The following LGALSL variants were observed in gnomAD, a reference collection of about 807,000 sequenced individuals.
The protein encoded by LGALSL is galectin-related protein.
Under a neutral mutation model 19.5 loss-of-function variants are expected in LGALSL, and 13 were observed. The observed-to-expected ratio is 0.67, with a 90% CI of 0.43 to 1.06. The LOEUF (loss-of-function observed/expected upper bound fraction) is 1.06. Ranked by LOEUF, LGALSL falls within the 50% of genes least tolerant of loss-of-function variation. The pLI is 0.00. For synonymous variants in LGALSL, 86 were observed against 78.3 expected (o/e 1.10, Z -0.52); for missense variants, 189 against 219.3 (o/e 0.86, Z 0.87).
intron 4 of LGALSL, 27 bp from the exon 5 acceptor site, chr2:64,458,258 T>A (rs1192542909): frequency 6.2e-7 from 1 of 1,609,122 alleles, no homozygotes; most frequent in Non-Finnish European, 8.5e-7. Context: ...TCATTGAAAT[T>A]GTGGATTATT....
rs1686697341 is a variant in LGALSL, at chr2:64,454,506, C to T, written c.-40C>T. 2.3e-6 allele frequency: 3 copies of T among 1,327,968 alleles called. No individual in the cohort carries two copies. Among genetic ancestry groups the T allele is most frequent in the Non-Finnish European group, 9.7e-7 (1 of 1,029,736 alleles). 82.3% of individuals were successfully genotyped at this position (1,327,968 alleles called of 1,614,324 possible). A position where few individuals can be genotyped will look rare whatever the true frequency, so the allele number is the denominator to read the frequency against. Reference sequence around the variant, plus strand: ...AGGACAGCCCCGGGATCCCCGCCCGCGCGCCGCGTCCCACGTACCCCGCCG... The same window carrying T: ...AGGACAGCCCCGGGATCCCCGCCCGTGCGCCGCGTCCCACGTACCCCGCCG... On this transcript the variant is annotated 5_prime_UTR_variant, in exon 1 of 5. Coordinates refer to ENST00000238875, the MANE Select transcript of LGALSL (RefSeq NM_014181.3). This position sits in a 1 kb window ranked among gnomAD's most constrained non-coding sequence, Gnocchi z 5.1.
Position 64,454,519 on chromosome 2 carries a change from A to G in LGALSL, c.-27A>G. On this transcript the variant is annotated 5_prime_UTR_variant, in exon 1 of 5. Coordinates refer to ENST00000238875, the MANE Select transcript of LGALSL (RefSeq NM_014181.3). This position sits in a 1 kb window ranked among gnomAD's most constrained non-coding sequence, Gnocchi z 5.1. ...GATCCCCGCCCGCGCGCCGCGTCCC[A>G]CGTACCCCGCCGCGCCGGGCAAGAA... is the stretch of plus-strand genomic sequence containing the variant. 5.8e-6 allele frequency: 8 copies of G among 1,381,864 alleles called. No homozygotes were observed. The highest frequency in any genetic ancestry group is 6.6e-6 in the Non-Finnish European group (7 of 1,061,030). The allele number at this position is 1,381,864 out of a possible 1,614,324, so 85.6% of individuals were successfully genotyped here.
At chr2:64,455,192 T>C in intron 1 of LGALSL, 152 bp from the exon 2 acceptor site, 2 of 667,114 alleles carry the variant, frequency 3.0e-6, no homozygotes, top group Non-Finnish European at 5.4e-6. Flanking sequence ...TCGGGGGTGA[T>C]GAGATTATCT....
Position 64,454,519 on chromosome 2 carries a change from A to C in LGALSL, c.-27A>C, listed in dbSNP as rs1686697760. ...GATCCCCGCCCGCGCGCCGCGTCCC[A>C]CGTACCCCGCCGCGCCGGGCAAGAA... On this transcript the variant is annotated 5_prime_UTR_variant, in exon 1 of 5. Transcript: ENST00000238875. The surrounding 1 kb of genome is among the most constrained non-coding windows in gnomAD (Gnocchi z 5.1). 11 of 1,381,866 alleles carry C rather than the reference A, an allele frequency of 8.0e-6. No individual in the cohort carries two copies. The East Asian group carries it at 1.0e-4, about 13-fold the overall frequency. 85.6% of individuals were successfully genotyped at this position (1,381,866 alleles called of 1,614,324 possible). A position where few individuals can be genotyped will look rare whatever the true frequency, so the allele number is the denominator to read the frequency against.
In LGALSL at chr2:64,459,866, G is replaced by A. The variant is rs575048404; in HGVS notation, c.*1438G>A. Reference sequence around the variant, plus strand: ...CTTTAAAAGCTACATTGGCCCTGGAGGGAGGGACCCTTGGCATTGCTTTGA... The same window carrying A: ...CTTTAAAAGCTACATTGGCCCTGGAAGGAGGGACCCTTGGCATTGCTTTGA... On this transcript the variant is annotated 3_prime_UTR_variant, in exon 5 of 5. Transcript: ENST00000238875. 6.6e-6 allele frequency: 1 copy of A among 152,352 alleles called. No homozygotes were observed. Among genetic ancestry groups the A allele is most frequent in the African/African-American group, 2.4e-5 (1 of 41,584 alleles). The allele number at this position is 152,352 out of a possible 1,614,324, so 9.4% of individuals were successfully genotyped here. A position where few individuals can be genotyped will look rare whatever the true frequency, so the allele number is the denominator to read the frequency against.
At chr2:64,457,696 A>G (rs986957880) in intron 4 of LGALSL, among the ~76,000 whole-genome samples, 1 of 152,162 alleles carries the variant, frequency 6.6e-6, no homozygotes, top group African/African-American at 2.4e-5. Context: ...CATTGGTGGT[A>G]GAATTGAGAT....
rs1227710717 is a variant in LGALSL, at chr2:64,456,457, C to T, written c.367C>T (p.Pro123Ser). 1 of 1,575,522 alleles carries T rather than the reference C, an allele frequency of 6.3e-7. No homozygotes were observed. The highest frequency in any genetic ancestry group is 8.6e-7 in the Non-Finnish European group (1 of 1,160,138). Residue 123 changes from proline to serine, a missense_variant, in exon 4 of 5, where the codon CCA becomes TCA. Transcript: ENST00000238875. The stretch of plus-strand genomic sequence containing the variant: ...TTACTTTCCATTCATTCCAGACCAG[C>T]CATTCAGGGTGAGTACCTCGAGTGC... ...IPYFPFIPDQ[P>S]FRVEILCEHP...
rs1203229712 is a variant in LGALSL, at chr2:64,460,083, G to A, written c.*1655G>A. The stretch of plus-strand genomic sequence containing the variant: ...CATGTCATTTTCAAGTGTCAAGAAT[G>A]TAGACAGTGTTTCAGTACCAAAGTC... On this transcript the variant is annotated 3_prime_UTR_variant, in exon 5 of 5. Transcript: ENST00000238875. 6.6e-6 allele frequency: 1 copy of A among 150,690 alleles called. No individual in the cohort carries two copies. Among genetic ancestry groups the A allele is most frequent in the Non-Finnish European group, 1.5e-5 (1 of 67,882 alleles). 9.3% of individuals were successfully genotyped at this position (150,690 alleles called of 1,614,324 possible).
At position 64,454,612 on chromosome 2, in the gene LGALSL, C is replaced by T; in HGVS notation, c.36+31C>T. The T allele has an allele frequency of 7.2e-7, 1 of 1,379,538 alleles. No individual in the cohort carries two copies. Among genetic ancestry groups the T allele is most frequent in the South Asian group, 1.6e-5 (1 of 62,070 alleles). The allele number at this position is 1,379,538 out of a possible 1,614,324, so 85.5% of individuals were successfully genotyped here. On this transcript the variant is annotated intron_variant, in intron 1 of 4. Transcript: ENST00000238875. The surrounding 1 kb of genome is among the most constrained non-coding windows in gnomAD (Gnocchi z 5.1). Reference sequence around the variant, plus strand: ...TGTGGCAGGGCGCGCGCGAGGCGCCCCTCCCCGCCGTCCCGCACTCCGCCG... The same window carrying T: ...TGTGGCAGGGCGCGCGCGAGGCGCCTCTCCCCGCCGTCCCGCACTCCGCCG...
chr2:64,458,797 C>G lies in LGALSL; in HGVS notation c.*369C>G, dbSNP rs1686775171. On this transcript the variant is annotated 3_prime_UTR_variant, in exon 5 of 5. Transcript: ENST00000238875. The stretch of plus-strand genomic sequence containing the variant: ...ACAGTGAAATCAATGCATTTCTGCA[C>G]TAAAGTGGAATTGTGTAGCACAACC... 4 of 170,282 alleles carry G rather than the reference C, an allele frequency of 2.3e-5. No individual in the cohort carries two copies. Among genetic ancestry groups the G allele is most frequent in the Non-Finnish European group, 1.2e-5 (1 of 80,542 alleles). 10.5% of individuals were successfully genotyped at this position (170,282 alleles called of 1,614,324 possible). A position where few individuals can be genotyped will look rare whatever the true frequency, so the allele number is the denominator to read the frequency against.
At position 64,454,243 on chromosome 2, in the gene LGALSL, G is replaced by C. The variant is rs1311758696; in HGVS notation, c.-303G>C. 1.5e-5 allele frequency: 6 copies of C among 394,852 alleles called. No individual in the cohort carries two copies. Among genetic ancestry groups the C allele is most frequent in the Non-Finnish European group, 2.7e-5 (6 of 224,132 alleles). The allele number at this position is 394,852 out of a possible 1,614,324, so 24.5% of individuals were successfully genotyped here. ...CGGCACGGCCCTCGCCACTTTTCTT[G>C]GTCGGGCAGCGGCAGCGGCAGCGGC... On this transcript the variant is annotated 5_prime_UTR_variant, in exon 1 of 5. Coordinates refer to ENST00000238875, the MANE Select transcript of LGALSL (RefSeq NM_014181.3). The surrounding 1 kb of genome is among the most constrained non-coding windows in gnomAD (Gnocchi z 5.1).
At chr2:64,457,957 T>C (rs993035432) in intron 4 of LGALSL, among the ~76,000 whole-genome samples, 6 of 152,166 alleles carry the variant, frequency 3.9e-5, no homozygotes, top group African/African-American at 1.2e-4. Flanking sequence ...TAATATAAAA[T>C]AAATGTGACT....
At chr2:64,457,729 T>C (rs1205482109) in intron 4 of LGALSL, among the ~76,000 whole-genome samples, 5 of 152,182 alleles carry the variant, frequency 3.3e-5, no homozygotes, top group African/African-American at 1.2e-4. Flanking sequence ...AGTTATAGTC[T>C]CTGGAAGGCA....
At position 64,461,141 on chromosome 2, in the gene LGALSL, A is replaced by C. The variant is rs1460239544; in HGVS notation, c.*2713A>C. ...AGAATTGAGGATTTGTTAAAATGGC[A>C]AGTCATTTCATTTGTGTTAAAAAGA... On this transcript the variant is annotated 3_prime_UTR_variant, in exon 5 of 5. Transcript: ENST00000238875. 6.6e-6 allele frequency: 1 copy of C among 152,198 alleles called. No homozygotes were observed. The highest frequency in any genetic ancestry group is 2.4e-5 in the African/African-American group (1 of 41,442). The allele number at this position is 152,198 out of a possible 1,614,324, so 9.4% of individuals were successfully genotyped here.
chr2:64,455,192 T>A lies in LGALSL; in HGVS notation c.37-152T>A, dbSNP rs1686713764. Reference sequence around the variant, plus strand: ...AAGGATGGGTTTTGTTCGGGGGTGATGAGATTATCTAAGAGACGGTGAAGA... The same window carrying A: ...AAGGATGGGTTTTGTTCGGGGGTGAAGAGATTATCTAAGAGACGGTGAAGA... On this transcript the variant is annotated intron_variant, in intron 1 of 4. Coordinates refer to ENST00000238875, the MANE Select transcript of LGALSL (RefSeq NM_014181.3). The A allele has an allele frequency of 7.5e-6, 5 of 667,114 alleles. No homozygotes were observed. In the East Asian group the frequency reaches 1.0e-4, roughly 14 times the overall value. 41.3% of individuals were successfully genotyped at this position (667,114 alleles called of 1,614,324 possible).
chr2:64,460,992 T>C lies in LGALSL; in HGVS notation c.*2564T>C, dbSNP rs1686816810. 1 of 152,210 alleles carries C rather than the reference T, an allele frequency of 6.6e-6. No individual in the cohort carries two copies. The highest frequency in any genetic ancestry group is 1.5e-5 in the Non-Finnish European group (1 of 68,034). The allele number at this position is 152,210 out of a possible 1,614,324, so 9.4% of individuals were successfully genotyped here. ...TGAGTGTGTATATCTACTTAAAACTTAATAGAAGTGACTTCTACTTTTTGG... is the reference window on the plus strand; with the variant it reads ...TGAGTGTGTATATCTACTTAAAACTCAATAGAAGTGACTTCTACTTTTTGG... On this transcript the variant is annotated 3_prime_UTR_variant, in exon 5 of 5. Coordinates refer to ENST00000238875, the MANE Select transcript of LGALSL (RefSeq NM_014181.3).
chr2:64,456,192 A>G (rs1686733091), intron 3 of LGALSL, 96 bp from the exon 4 acceptor site: 3 of 1,120,816 alleles, frequency 2.7e-6, no homozygotes, highest in Non-Finnish European at 1.3e-6. Context: ...TTAAAAATGG[A>G]CAAACCCAGA....
At chr2:64,455,828 A>G (rs2103706814) in intron 3 of LGALSL, 151 bp downstream of exon 3, 1 of 663,814 alleles carries the variant, frequency 1.5e-6, no homozygotes, top group Non-Finnish European at 2.7e-6. Context: ...TGAAACGAAT[A>G]TGTATGAATC....
Position 64,454,600 on chromosome 2 carries a change from G to A in LGALSL, c.36+19G>A. ...CGTGGTGGTGAGTGTGGCAGGGCGC[G>A]CGCGAGGCGCCCCTCCCCGCCGTCC... is the stretch of plus-strand genomic sequence containing the variant. On this transcript the variant is annotated intron_variant, in intron 1 of 4. Coordinates refer to ENST00000238875, the MANE Select transcript of LGALSL (RefSeq NM_014181.3). This position sits in a 1 kb window ranked among gnomAD's most constrained non-coding sequence, Gnocchi z 5.1. 1 of 1,399,826 alleles carries A rather than the reference G, an allele frequency of 7.1e-7. No individual in the cohort carries two copies. The highest frequency in any genetic ancestry group is 2.5e-5 in the Admixed American group (1 of 39,462). 86.7% of individuals were successfully genotyped at this position (1,399,826 alleles called of 1,614,324 possible).
Sources: gnomAD v4.1 joint callset for allele counts (sites outside exome capture counted in the v4.1 genomes callset) on GRCh38, gnomAD v4.1.1 for gene constraint, Gnocchi (gnomAD v3.1) non-coding constraint, MANE v1.5 for transcripts, NCBI Gene and HGNC (gene_info 2026-07-23, HGNC 2026-07-21) for gene names.